The following SHLD1 variants were observed in gnomAD, a reference collection of about 807,000 sequenced individuals.
The protein encoded by SHLD1 is RINN1-REV7-interacting novel NHEJ regulator 3.
SHLD1 carries 3 observed loss-of-function variants against 5.5 expected under a neutral mutation model. That is an observed-to-expected ratio of 0.54 (90% CI 0.25 to 1.40). The LOEUF (loss-of-function observed/expected upper bound fraction) is 1.40, where lower values mean the gene tolerates loss of function less well. Ranked by LOEUF, SHLD1 falls within the 40% of genes most tolerant of loss-of-function variation. SHLD1 has a pLI of 0.15. For synonymous variants in SHLD1, 92 were observed against 94.3 expected (o/e 0.98, Z 0.14); for missense variants, 210 against 244.4 (o/e 0.86, Z 0.94).
At chr20:5,852,409 T>TTCCC (rs1014384069) in intron 2 of SHLD1, among the ~76,000 whole-genome samples, 6 of 146,434 alleles carry the variant, frequency 4.1e-5, no homozygotes, top group African/African-American at 1.4e-4. Context: ...CTTCCTTCCT[T>TTCCC]TCCCTCCCTT....
chr20:5,769,030 T>C (rs2122228956), intron 1 of SHLD1, among the ~76,000 whole-genome samples: 1 of 151,766 alleles, frequency 6.6e-6, no homozygotes, highest in Middle Eastern at 3.4e-3. Flanking sequence ...CTCTGCCTCC[T>C]GAGTAGCTGG....
intron 2 of SHLD1, among the ~76,000 whole-genome samples, chr20:5,852,917 T>C (rs1378895477): frequency 6.6e-6 from 1 of 152,250 alleles, no homozygotes; most frequent in Non-Finnish European, 1.5e-5. Context: ...TTTTGTTGCT[T>C]GTGTTTCTCA....
At chr20:5,805,843 C>T (rs528500949) in intron 2 of SHLD1, among the ~76,000 whole-genome samples, 87 of 152,222 alleles carry the variant, frequency 5.7e-4, no homozygotes, top group South Asian at 1.2e-3. Flanking sequence ...TCAGGTGATC[C>T]GCCCTCCTTG....
intron 2 of SHLD1, among the ~76,000 whole-genome samples, chr20:5,840,506 C>T (rs2087844837): frequency 6.6e-6 from 1 of 152,190 alleles, no homozygotes; most frequent in Non-Finnish European, 1.5e-5. Flanking sequence ...GCAGAGGCAG[C>T]ATCGTTCTGG....
intron 1 of SHLD1, among the ~76,000 whole-genome samples, chr20:5,763,723 G>A (rs191026356): frequency 6.6e-6 from 1 of 152,112 alleles, no homozygotes; most frequent in African/African-American, 2.4e-5. Flanking sequence ...TATTTCTTCT[G>A]GACATGTCCT....
At chr20:5,764,282 A>G (rs1036711053) in intron 1 of SHLD1, among the ~76,000 whole-genome samples, 39 of 146,998 alleles carry the variant, frequency 2.7e-4, no homozygotes, top group Middle Eastern at 3.6e-3. Flanking sequence ...TGACTTGTCC[A>G]AAGTAACACA....
At chr20:5,825,672 TC>T (rs2087657542) in intron 2 of SHLD1, among the ~76,000 whole-genome samples, 2 of 152,152 alleles carry the variant, frequency 1.3e-5, no homozygotes, top group Admixed American at 6.5e-5. Flanking sequence ...GCCCAGGAGA[TC>T]AAGGCTGTAG....
chr20:5,804,392 G>T (rs1361708198), intron 2 of SHLD1, among the ~76,000 whole-genome samples: 1 of 132,800 alleles, frequency 7.5e-6, no homozygotes, highest in Non-Finnish European at 1.6e-5. Context: ...TTAGTATAGT[G>T]TAAAAAAAAA....
At chr20:5,847,537 T>C (rs1376448692) in intron 2 of SHLD1, among the ~76,000 whole-genome samples, 1 of 152,224 alleles carries the variant, frequency 6.6e-6, no homozygotes, top group Non-Finnish European at 1.5e-5. Context: ...GTAATTCATT[T>C]TGTATGCCAT....
At chr20:5,844,783 A>ATTTTT (rs1568528922) in intron 2 of SHLD1, among the ~76,000 whole-genome samples, 2 of 99,970 alleles carry the variant, frequency 2.0e-5, no homozygotes, top group Non-Finnish European at 3.7e-5. Flanking sequence ...ATATATATAT[A>ATTTTT]TATATATATA....
At chr20:5,798,936 T>C (rs6139834) in intron 2 of SHLD1, among the ~76,000 whole-genome samples, 129,606 of 152,212 alleles carry the variant, frequency 0.85, 55,420 homozygotes, top group East Asian at 1. Context: ...GTAATCCCCA[T>C]ACTTTGGAAG....
intron 1 of SHLD1, among the ~76,000 whole-genome samples, chr20:5,769,237 T>A (rs957322885): frequency 1.3e-5 from 2 of 152,214 alleles, no homozygotes; most frequent in Non-Finnish European, 2.9e-5. Context: ...CCTTGAGTTA[T>A]GGTGCTGTGT....
rs1252851870 is a variant in SHLD1, at chr20:5,784,534, T to C, written c.178+11491T>C. Among the ~76,000 whole-genome samples the C allele has an allele frequency of 8.5e-5, 13 of 152,192 alleles. No individual in the cohort carries two copies. In the East Asian group the frequency reaches 2.5e-3, roughly 29 times the overall value. Reference sequence around the variant, plus strand: ...GGCGCGATCTCGGCTCACTGCAAGCTCCGCCTCCCGGGTTCACGCCATTCT... The same window carrying C: ...GGCGCGATCTCGGCTCACTGCAAGCCCCGCCTCCCGGGTTCACGCCATTCT... On this transcript the variant is annotated intron_variant, in intron 2 of 2. Transcript: ENST00000303142.
At chr20:5,818,972 T>C (rs1207551242) in intron 2 of SHLD1, among the ~76,000 whole-genome samples, 2 of 152,004 alleles carry the variant, frequency 1.3e-5, no homozygotes, top group Non-Finnish European at 2.9e-5. Context: ...AAGCAATTCT[T>C]GGGCCTCAGC....
At chr20:5,809,359 C>T (rs1330595042) in intron 2 of SHLD1, among the ~76,000 whole-genome samples, 2 of 152,040 alleles carry the variant, frequency 1.3e-5, no homozygotes, top group Non-Finnish European at 2.9e-5. Context: ...TGTATTTGCT[C>T]TGAGCTCAGA....
chr20:5,792,253 A>G lies in SHLD1; in HGVS notation c.178+19210A>G, dbSNP rs534493848. ...CTGTACTTTCGGTGTCATGTCTAAG[A>G]AATCATTGCCAAGTCTAATGTCATG... On this transcript the variant is annotated intron_variant, in intron 2 of 2. Coordinates refer to ENST00000303142, the MANE Select transcript of SHLD1 (RefSeq NM_152504.4). Among the ~76,000 whole-genome samples the G allele has an allele frequency of 2.6e-5, 4 of 152,310 alleles. No homozygotes were observed. In the South Asian group the frequency reaches 8.3e-4, roughly 32 times the overall value.
chr20:5,757,019 C>T (rs990614223), intron 1 of SHLD1, among the ~76,000 whole-genome samples: 17 of 150,946 alleles, frequency 1.1e-4, no homozygotes, highest in African/African-American at 3.9e-4. Context: ...AGTCTTTTAC[C>T]ATGAAGTATG....
At chr20:5,799,777 CT>C (rs1458444507) in intron 2 of SHLD1, among the ~76,000 whole-genome samples, 2 of 152,118 alleles carry the variant, frequency 1.3e-5, no homozygotes, top group Admixed American at 6.6e-5. Flanking sequence ...TAAAAGGATA[CT>C]TACAAACTCA....
At chr20:5,778,382 C>G (rs1985537014) in intron 2 of SHLD1, among the ~76,000 whole-genome samples, 1 of 150,460 alleles carries the variant, frequency 6.6e-6, no homozygotes, top group Admixed American at 6.7e-5. Context: ...TTGAGAGGAT[C>G]CCTTGAGTTC....
Sources: gnomAD v4.1 joint callset for allele counts (sites outside exome capture counted in the v4.1 genomes callset) on GRCh38, gnomAD v4.1.1 for gene constraint, MANE v1.5 for transcripts, NCBI Gene and HGNC (gene_info 2026-07-23, HGNC 2026-07-21) for gene names.